RASGRF2: variants seen among roughly 807,000 people sequenced by gnomAD.
The protein encoded by RASGRF2 is Ras protein specific guanine nucleotide releasing factor 2.
Under a neutral mutation model 151.0 loss-of-function variants are expected in RASGRF2, and 76 were observed. The observed-to-expected ratio is 0.50, with a 90% CI of 0.42 to 0.61. The LOEUF (loss-of-function observed/expected upper bound fraction) is 0.61, where lower values mean the gene tolerates loss of function less well. Among genes scored for constraint, RASGRF2 ranks in the 20% least tolerant of loss-of-function variants. RASGRF2 has a pLI of 0.00. For synonymous variants in RASGRF2, 504 were observed against 566.5 expected, an observed-to-expected ratio of 0.89 and a Z score of 1.57; for missense variants, 1,148 against 1,564.6, an observed-to-expected ratio of 0.73 and a Z score of 4.49.
At chr5:81,087,042 C>T in intron 9 of RASGRF2, 89 bp downstream of exon 9, 8 of 1,231,766 alleles carry the variant, frequency 6.5e-6, no homozygotes, top group Non-Finnish European at 9.5e-6. Context: ...TCTGAACAGG[C>T]GTGACGGGTG....
chr5:81,099,907 C>CTTTTTTTTTTTTTTTT (rs577876645), intron 12 of RASGRF2, among the ~76,000 whole-genome samples: 8 of 125,024 alleles, frequency 6.4e-5, no homozygotes, highest in East Asian at 2.3e-4. Context: ...TTTCTTTTTT[C>CTTTTTTTTTTTTTTTT]TTTTTTTTTT....
chr5:80,998,153 A>G (rs1240527396), intron 1 of RASGRF2: 3 of 152,118 alleles, frequency 2.0e-5, no homozygotes, highest in African/African-American at 7.2e-5. Context: ...TCCTTCCAGA[A>G]GCGGAAATGC....
At chr5:81,154,747 A>G (rs761708315) in intron 17 of RASGRF2, among the ~76,000 whole-genome samples, 1 of 152,236 alleles carries the variant, frequency 6.6e-6, no homozygotes, top group African/African-American at 2.4e-5. Context: ...CAAAGAAAAA[A>G]TAGATATTTC....
intron 4 of RASGRF2, among the ~76,000 whole-genome samples, chr5:81,072,954 C>A (rs890514242): frequency 6.6e-6 from 1 of 152,170 alleles, no homozygotes; most frequent in East Asian, 1.9e-4. Context: ...TGCTCAGTAC[C>A]CAGCATTTAC....
intron 17 of RASGRF2, among the ~76,000 whole-genome samples, chr5:81,130,552 CAG>C (rs1053064183): frequency 6.6e-6 from 1 of 152,098 alleles, no homozygotes; most frequent in African/African-American, 2.4e-5. Context: ...AGAGCAGAAA[CAG>C]GGAAGGGCTA....
intron 2 of RASGRF2, among the ~76,000 whole-genome samples, chr5:81,064,940 G>A (rs529777151): frequency 2.6e-5 from 4 of 152,134 alleles, no homozygotes; most frequent in Non-Finnish European, 5.9e-5. Context: ...GTCGTTAGTG[G>A]ACCTGATTTA....
intron 1 of RASGRF2, among the ~76,000 whole-genome samples, chr5:81,007,881 AAGAG>A (rs1284972710): frequency 6.6e-6 from 1 of 152,190 alleles, no homozygotes; most frequent in East Asian, 1.9e-4. Flanking sequence ...GGGTGAACTG[AAGAG>A]AGAGACGTGA....
intron 17 of RASGRF2, among the ~76,000 whole-genome samples, chr5:81,130,853 T>C (rs770846838): frequency 4.6e-5 from 7 of 152,098 alleles, no homozygotes; most frequent in Non-Finnish European, 1.0e-4. Flanking sequence ...ACAGATAGAC[T>C]TGGGGATGCA....
At chr5:81,180,085 G>T (rs1294231030) in intron 17 of RASGRF2, 90 bp from the exon 18 acceptor site, 3 of 724,258 alleles carry the variant, frequency 4.1e-6, no homozygotes, top group East Asian at 2.5e-5. Context: ...TGTGAGTTTC[G>T]TTAACCAATG....
intron 7 of RASGRF2, among the ~76,000 whole-genome samples, chr5:81,081,245 G>A (rs577055661): frequency 3.0e-4 from 46 of 152,188 alleles, no homozygotes; most frequent in African/African-American, 9.6e-4. Flanking sequence ...TTCCTGTCGC[G>A]GTTGCTGTTG....
At chr5:81,129,735 T>A (rs568810619) in intron 17 of RASGRF2, among the ~76,000 whole-genome samples, 1 of 152,232 alleles carries the variant, frequency 6.6e-6, no homozygotes, top group Admixed American at 6.5e-5. Flanking sequence ...TTCAGCAGAG[T>A]TATTGTCGAT....
At chr5:80,971,142 T>C (rs1561532194) in intron 1 of RASGRF2, among the ~76,000 whole-genome samples, 1 of 152,214 alleles carries the variant, frequency 6.6e-6, no homozygotes. Flanking sequence ...ACTTGATGAG[T>C]TTTCACAAAG....
chr5:81,218,477 T>C (rs753863622), intron 25 of RASGRF2, among the ~76,000 whole-genome samples: 3 of 152,232 alleles, frequency 2.0e-5, no homozygotes, highest in Non-Finnish European at 4.4e-5. Flanking sequence ...CCTTACGTTT[T>C]TGTTTCTTTT....
chr5:81,085,749 G>A, intron 7 of RASGRF2, 53 bp from the exon 8 acceptor site: 1 of 1,607,732 alleles, frequency 6.2e-7, no homozygotes, highest in Non-Finnish European at 8.5e-7. Flanking sequence ...CGGAGCATGT[G>A]CCCTGTCACC....
chr5:80,964,862 G>A (rs1169940530), intron 1 of RASGRF2, among the ~76,000 whole-genome samples: 1 of 151,890 alleles, frequency 6.6e-6, no homozygotes, highest in African/African-American at 2.4e-5. Context: ...TTGCATTTAG[G>A]GTGAAAGTAC....
intron 17 of RASGRF2, among the ~76,000 whole-genome samples, chr5:81,151,552 GA>G (rs1211212541): frequency 6.6e-6 from 1 of 152,102 alleles, no homozygotes; most frequent in Non-Finnish European, 1.5e-5. Context: ...ATTGGATATA[GA>G]AAATTCCAAG....
At chr5:80,963,583 G>C (rs142943454) in intron 1 of RASGRF2, among the ~76,000 whole-genome samples, 3 of 152,304 alleles carry the variant, frequency 2.0e-5, no homozygotes, top group African/African-American at 7.2e-5. Context: ...TTTGCAGTGT[G>C]GAGAATGTGA....
intron 8 of RASGRF2, among the ~76,000 whole-genome samples, chr5:81,086,446 C>T (rs190910292): frequency 6.6e-6 from 1 of 152,252 alleles, no homozygotes; most frequent in East Asian, 1.9e-4. Flanking sequence ...GTTACAAGCA[C>T]TTATTTATGT....
At chr5:81,070,082 A>T (rs1751726887) in intron 3 of RASGRF2, 2 of 172,644 alleles carry the variant, frequency 1.2e-5, no homozygotes, top group Non-Finnish European at 2.5e-5. Flanking sequence ...CTACAGGCCA[A>T]TGGCCAGAAC....
Sources: gnomAD v4.1 joint callset for allele counts (sites outside exome capture counted in the v4.1 genomes callset) on GRCh38, gnomAD v4.1.1 for gene constraint, MANE v1.5 for transcripts, NCBI Gene and HGNC (gene_info 2026-07-23, HGNC 2026-07-21) for gene names.